The following ZNF333 variants were observed in gnomAD, a reference collection of about 807,000 sequenced individuals.
ZNF333 encodes zinc finger protein 333.
In ZNF333, 61 loss-of-function variants were observed where a neutral mutation model predicts 76.1. That is an observed-to-expected ratio of 0.80 (90% confidence interval 0.65 to 0.99). The LOEUF is 0.99. Ranked by LOEUF, ZNF333 falls within the 50% of genes least tolerant of loss-of-function variation. ZNF333 has a pLI of 0.00. For missense variants in ZNF333, 717 were observed against 822.4 expected, an observed-to-expected ratio of 0.87 and a Z score of 1.57; for synonymous variants, 284 against 305.0, an observed-to-expected ratio of 0.93 and a Z score of 0.72.
At chr19:14,731,524 A>AC (rs1376398691) in exon 12 of ZNF333, 2 of 297,448 alleles carry the variant, frequency 6.7e-6, no homozygotes, top group Non-Finnish European at 1.2e-5. Context: ...CTCACAGTGG[A>AC]CCCCCACGGT....
At chr19:14,697,458 C>G (rs1402903097) in intron 4 of ZNF333, among the ~76,000 whole-genome samples, 2 of 145,678 alleles carry the variant, frequency 1.4e-5, no homozygotes, top group African/African-American at 5.1e-5. Context: ...GCCTTTTGGG[C>G]TCAAGCAATC....
chr19:14,713,393 A>G (rs897334445), intron 7 of ZNF333, among the ~76,000 whole-genome samples: 1 of 152,072 alleles, frequency 6.6e-6, no homozygotes, highest in Admixed American at 6.5e-5. Context: ...GTTCCCTTAG[A>G]TGGGCAGAAA....
chr19:14,730,808 C>T (rs1223239245), intron 11 of ZNF333, among the ~76,000 whole-genome samples: 3 of 151,518 alleles, frequency 2.0e-5, no homozygotes, highest in Non-Finnish European at 4.4e-5. Context: ...TGCCCTCCTC[C>T]CTCCCTCCTC....
exon 12 of ZNF333, chr19:14,732,390 A>G (rs2042679336): frequency 6.6e-6 from 1 of 152,252 alleles, no homozygotes; most frequent in Admixed American, 6.5e-5. Flanking sequence ...TGGGAAACCA[A>G]AAAATGTGTA....
At chr19:14,695,523 A>C in intron 3 of ZNF333, 43 bp from the exon 4 acceptor site, 1 of 1,573,218 alleles carries the variant, frequency 6.4e-7, no homozygotes, top group Non-Finnish European at 8.7e-7. Context: ...TTTCCCCTGC[A>C]AGCCCTCTCT....
intron 4 of ZNF333, among the ~76,000 whole-genome samples, chr19:14,698,903 T>G (rs200187676): frequency 1.5e-3 from 23 of 15,170 alleles, no homozygotes; most frequent in East Asian, 3.4e-3. Context: ...AATATAGATA[T>G]ATATATATAT....
At chr19:14,714,094 G>A (rs2042354070) in intron 7 of ZNF333, among the ~76,000 whole-genome samples, 1 of 152,186 alleles carries the variant, frequency 6.6e-6, no homozygotes, top group African/African-American at 2.4e-5. Flanking sequence ...GCAAGTGGGA[G>A]GGGAGGAAGT....
chr19:14,704,112 C>T (rs2042042626), intron 5 of ZNF333, among the ~76,000 whole-genome samples: 1 of 152,152 alleles, frequency 6.6e-6, no homozygotes, highest in Admixed American at 6.5e-5. Context: ...CCCTCTGTGC[C>T]ACACCTTTCT....
chr19:14,715,681 A>G (rs2042410103), intron 8 of ZNF333, among the ~76,000 whole-genome samples: 1 of 152,164 alleles, frequency 6.6e-6, no homozygotes, highest in African/African-American at 2.4e-5. Context: ...CCAGGAGGGA[A>G]AACAAAGCAA....
chr19:14,695,686 C>T, intron 4 of ZNF333, 25 bp downstream of exon 4: 2 of 1,604,930 alleles, frequency 1.2e-6, no homozygotes, highest in Non-Finnish European at 8.5e-7. Flanking sequence ...GGCTGTGGAT[C>T]CCCCGACCCC....
At chr19:14,689,850 T>A (rs1972610117), upstream of ZNF333, 1 of 143,314 alleles carries the variant, frequency 7.0e-6, no homozygotes, top group African/African-American at 2.6e-5. Flanking sequence ...CTCTCGGACA[T>A]AGGCTCCGCC....
downstream of ZNF333, among the ~76,000 whole-genome samples, chr19:14,724,896 A>G (rs908831376): frequency 6.6e-6 from 1 of 152,212 alleles, no homozygotes; most frequent in African/African-American, 2.4e-5. Flanking sequence ...ATTTAATGCT[A>G]TGTTCTTCAT....
chr19:14,729,479 C>T (rs2147048649), intron 11 of ZNF333, among the ~76,000 whole-genome samples: 1 of 152,234 alleles, frequency 6.6e-6, no homozygotes, highest in African/African-American at 2.4e-5. Flanking sequence ...CCTCCTCAGC[C>T]TCCAGAGTAG....
At chr19:14,716,731 C>G (rs1043908417) in intron 9 of ZNF333, among the ~76,000 whole-genome samples, 1 of 152,228 alleles carries the variant, frequency 6.6e-6, no homozygotes, top group Non-Finnish European at 1.5e-5. Context: ...CTTTCTGTGA[C>G]TAAAAGTTTT....
chr19:14,717,786 G>A, intron 11 of ZNF333, 53 bp downstream of exon 11: 1 of 1,564,266 alleles, frequency 6.4e-7, no homozygotes, highest in Non-Finnish European at 8.8e-7. Context: ...TGAGTCTGGG[G>A]TTAACCGTAA....
chr19:14,713,154 T>C (rs2042326233), intron 7 of ZNF333, among the ~76,000 whole-genome samples: 1 of 152,142 alleles, frequency 6.6e-6, no homozygotes, highest in South Asian at 2.1e-4. Context: ...TTCCTCTCCA[T>C]CTGCGAACCT....
Position 14,695,060 on chromosome 19 carries a change from A to G in ZNF333, c.54A>G (p.Ala18=), listed in dbSNP as rs1265803279. 3.1e-6 allele frequency: 5 copies of G among 1,614,136 alleles called. No homozygotes were observed. Among genetic ancestry groups the G allele is most frequent in the East Asian group, 2.2e-5 (1 of 44,886 alleles). The change falls in exon 3 of 12, where the codon GCA becomes GCG. Residue 18 remains alanine, a synonymous_variant. Coordinates refer to ENST00000292530, the MANE Select transcript of ZNF333 (RefSeq NM_032433.4). ...CCGTGGAGTTCATCCAGGAGTGGGCATTGCTGGACAGCGCACGGAGGAGCC... is the reference window on the plus strand; with the variant it reads ...CCGTGGAGTTCATCCAGGAGTGGGCGTTGCTGGACAGCGCACGGAGGAGCC... ...DVAVEFIQEW[A]LLDSARRSLC... is the part of the protein sequence containing the mutation.
At chr19:14,699,677 G>C (rs1973540536) in intron 5 of ZNF333, among the ~76,000 whole-genome samples, 1 of 152,060 alleles carries the variant, frequency 6.6e-6, no homozygotes, top group African/African-American at 2.4e-5. Context: ...GGCCAGGCTG[G>C]TCTCGAACTC....
intron 11 of ZNF333, chr19:14,731,066 G>GA: frequency 1.1e-6 from 1 of 890,374 alleles, no homozygotes; most frequent in Non-Finnish European, 1.8e-6. Context: ...ATGCTGCCCT[G>GA]GTCTCAAGCA....
Sources: allele counts gnomAD v4.1 joint callset (sites outside exome capture counted in the v4.1 genomes callset), GRCh38; gene constraint gnomAD v4.1.1; transcripts MANE v1.5; gene names NCBI Gene and HGNC (gene_info 2026-07-23, HGNC 2026-07-21).